The following CSNK1D variants were observed in gnomAD, a reference collection of about 807,000 sequenced individuals.
CSNK1D encodes casein kinase I isoform delta.
A neutral mutation model predicts 46.6 loss-of-function variants in CSNK1D; 16 were observed. The ratio of observed to expected loss-of-function variants is 0.34; its 90% CI spans 0.23 to 0.52. The LOEUF (loss-of-function observed/expected upper bound fraction) is 0.52, where lower values mean the gene tolerates loss of function less well. CSNK1D is among the 20% of genes least tolerant of loss of function. The pLI is 0.95. For missense variants in CSNK1D, 398 were observed against 578.4 expected (o/e 0.69, Z 3.20); for synonymous variants, 276 against 228.2 (o/e 1.21, Z -1.89).
chr17:82,273,489 C>G lies in CSNK1D; in HGVS notation c.-108G>C. On this transcript the variant is annotated 5_prime_UTR_variant, in exon 1 of 9. Transcript: ENST00000314028. This position sits in a 1 kb window ranked among gnomAD's most constrained non-coding sequence, Gnocchi z 5.1. Reference sequence around the variant, plus strand: ...ACTGCGGGTCCGGCTCCCGGCTCCGCCCCCCTCACGGCCCCGCTTTCACCA... The same window carrying G: ...ACTGCGGGTCCGGCTCCCGGCTCCGGCCCCCTCACGGCCCCGCTTTCACCA... 1 of 1,350,340 alleles carries G rather than the reference C, an allele frequency of 7.4e-7. No homozygotes were observed. Among genetic ancestry groups the G allele is most frequent in the Non-Finnish European group, 1.0e-6 (1 of 974,416 alleles). 83.6% of individuals were successfully genotyped at this position (1,350,340 alleles called of 1,614,324 possible).
chr17:82,258,204 C>CAAA (rs36125401), intron 2 of CSNK1D, among the ~76,000 whole-genome samples: 1 of 51,888 alleles, frequency 1.9e-5, no homozygotes, highest in Admixed American at 1.7e-4. Flanking sequence ...GAGACCGTCT[C>CAAA]AAAAAAAAAA....
chr17:82,242,212 T>TGGG (rs546603907), downstream of CSNK1D, among the ~76,000 whole-genome samples: 2 of 85,932 alleles, frequency 2.3e-5, no homozygotes, highest in East Asian at 8.7e-4. Flanking sequence ...CTGTGTGCTC[T>TGGG]GGGGGGGGGG....
chr17:82,248,962 A>G lies in CSNK1D; in HGVS notation c.1110T>C (p.Ser370=), dbSNP rs1254577520. ...CGGGGGCCCCGCGGTGCAGCCGCAT[A>G]CTCACTTTCCGCTCTCTCTCCATGC... is the stretch of plus-strand genomic sequence containing the variant. The part of the protein sequence containing the change: ...VSGMERERKV[S]MRLHRGAPVN... Residue 370 remains serine, a synonymous_variant, in exon 8 of 9, where the codon AGT becomes AGC. Transcript: ENST00000314028. The surrounding 1 kb of genome is among the most constrained non-coding windows in gnomAD (Gnocchi z 4.1). 3.8e-6 allele frequency: 6 copies of G among 1,590,166 alleles called. No homozygotes were observed. In the South Asian group the frequency reaches 6.8e-5, roughly 18 times the overall value.
At chr17:82,242,516 G>T, downstream of CSNK1D, 1 of 288,228 alleles carries the variant, frequency 3.5e-6, no homozygotes, top group Non-Finnish European at 3.8e-6. Flanking sequence ...AGGCCCAGGG[G>T]GCAGCTCTCC....
rs182990618 is a variant in CSNK1D at position 82,265,529 on chromosome 17, T to C, written c.187+157A>G. ...GAGGGTCTCTGGACCCAAGACTCTC[T>C]GAAGGAAGCTGTGACTGCTTTGTCA... On this transcript the variant is annotated intron_variant, in intron 2 of 8. Coordinates refer to ENST00000314028, the MANE Select transcript of CSNK1D (RefSeq NM_001893.6). The C allele has an allele frequency of 2.8e-4, 190 of 689,428 alleles. No individual in the cohort carries two copies. In the East Asian group the frequency reaches 4.6e-3, roughly 17 times the overall value. The allele number at this position is 689,428 out of a possible 1,614,324, so 42.7% of individuals were successfully genotyped here. A position where few individuals can be genotyped will look rare whatever the true frequency, so the allele number is the denominator to read the frequency against.
chr17:82,243,521 C>A lies in CSNK1D; in HGVS notation c.*1260G>T, dbSNP rs572602352. On this transcript the variant is annotated 3_prime_UTR_variant, in exon 9 of 9. Coordinates refer to ENST00000314028, the MANE Select transcript of CSNK1D (RefSeq NM_001893.6). ...TGCCTTCTGGTGGGACTCGGCCCCA[C>A]GCACGCTGCTTCACTTCTGACCAAC... 1 of 985,494 alleles carries A rather than the reference C, an allele frequency of 1.0e-6. No individual in the cohort carries two copies. Among genetic ancestry groups the A allele is most frequent in the Non-Finnish European group, 1.2e-6 (1 of 829,968 alleles). The allele number at this position is 985,494 out of a possible 1,614,324, so 61.0% of individuals were successfully genotyped here.
rs757504731 is a variant in CSNK1D at position 82,249,565 on chromosome 17, C to T, written c.923G>A (p.Arg308His). ...SRAADDAERERRDREERLRHS... is the reference protein window; with the variant it reads ...SRAADDAEREHRDREERLRHS... ...TCTCAGCCGCTCCTCTCGGTCCCTG[C>T]GCTCCCGCTCGGCGTCATCGGCGGC... Residue 308 changes from arginine (R) to histidine (H), a missense_variant, in exon 7 of 9, where the codon CGC becomes CAC. Arg to His is a conservative substitution (Grantham distance 29). Around this residue, in one of 2 missense-constraint regions of CSNK1D, gnomAD observed 181 missense variants for 208.0 expected, o/e 0.87. Transcript: ENST00000314028. This position sits in a 1 kb window ranked among gnomAD's most constrained non-coding sequence, Gnocchi z 6.7. The T allele has an allele frequency of 6.4e-6, 10 of 1,553,588 alleles. No individual in the cohort carries two copies. Among genetic ancestry groups the T allele is most frequent in the East Asian group, 2.4e-5 (1 of 42,456 alleles).
chr17:82,251,468 A>G lies in CSNK1D; in HGVS notation c.796T>C (p.Tyr266His). The G allele has an allele frequency of 6.2e-7, 1 of 1,614,178 alleles. No homozygotes were observed. ...RSLRFDDKPDYSYLRQLFRNL... is the reference protein window; with the variant it reads ...RSLRFDDKPDHSYLRQLFRNL... ...CGGAAAAGCTGCCGCAGGTACGAGT[A>G]GTCAGGCTTGTCGTCAAAACGCAAG... The change falls in exon 6 of 9, where the codon TAC (tyrosine) becomes CAC (histidine). Residue 266 changes from tyrosine to histidine, a missense_variant. Tyr to His is a moderately conservative substitution (Grantham distance 83, BLOSUM62 2). Transcript: ENST00000314028. This position sits in a 1 kb window ranked among gnomAD's most constrained non-coding sequence, Gnocchi z 4.5.
At chr17:82,265,365 G>T (rs1331223168) in intron 2 of CSNK1D, 2 of 368,028 alleles carry the variant, frequency 5.4e-6, no homozygotes, top group Admixed American at 3.8e-5. Flanking sequence ...TTTTAGTAGA[G>T]ACGGGGTTTC....
intron 2 of CSNK1D, among the ~76,000 whole-genome samples, chr17:82,258,918 G>T (rs1004256194): frequency 1.3e-5 from 2 of 152,338 alleles, no homozygotes; most frequent in Middle Eastern, 3.4e-3. Context: ...AGTAAGTGCT[G>T]GTGTTTGCAG....
chr17:82,272,484 A>T (rs1341010684), intron 1 of CSNK1D, among the ~76,000 whole-genome samples: 1 of 152,208 alleles, frequency 6.6e-6, no homozygotes, highest in African/African-American at 2.4e-5. Context: ...CTACCTTGAG[A>T]CTGTTACAGT....
chr17:82,248,019 C>T lies in CSNK1D; in HGVS notation c.1197+856G>A. 1 of 985,428 alleles carries T rather than the reference C, an allele frequency of 1.0e-6. No individual in the cohort carries two copies. The highest frequency in any genetic ancestry group is 1.2e-6 in the Non-Finnish European group (1 of 829,964). The allele number at this position is 985,428 out of a possible 1,614,324, so 61.0% of individuals were successfully genotyped here. ...CAGGCCTGGCTCCATCCTGTGATCC[C>T]AACAAACACCTCCCCACAAGCCCAG... On this transcript the variant is annotated intron_variant, in intron 8 of 8. Transcript: ENST00000314028. This position sits in a 1 kb window ranked among gnomAD's most constrained non-coding sequence, Gnocchi z 4.1.
At chr17:82,273,718 C>T, upstream of CSNK1D, 2 of 485,632 alleles carry the variant, frequency 4.1e-6, no homozygotes, top group Non-Finnish European at 7.2e-6. This position sits in a 1 kb window ranked among gnomAD's most constrained non-coding sequence, Gnocchi z 5.1. Context: ...CTTCCCCTAG[C>T]AACCCGGCGG....
At position 82,263,496 on chromosome 17, in the gene CSNK1D, A is replaced by G. The variant is rs1465815165; in HGVS notation, c.187+2190T>C. Among the ~76,000 whole-genome samples the G allele has an allele frequency of 2.0e-5, 3 of 152,202 alleles. No individual in the cohort carries two copies. In the East Asian group the frequency reaches 5.8e-4, roughly 29 times the overall value. ...TCTGAAGAAAGTTTTGAGTATCACA[A>G]CTAGGGGCAGGGGTGCTGCCAACAT... is the stretch of plus-strand genomic sequence containing the variant. On this transcript the variant is annotated intron_variant, in intron 2 of 8. Coordinates refer to ENST00000314028, the MANE Select transcript of CSNK1D (RefSeq NM_001893.6).
intron 3 of CSNK1D, chr17:82,254,480 T>G (rs1401670588): frequency 3.9e-6 from 1 of 258,784 alleles, no homozygotes; most frequent in Non-Finnish European, 7.2e-6. Flanking sequence ...GCCAGTGCGC[T>G]GAGCCGCCGG....
Position 82,251,692 on chromosome 17 carries a change from A to C in CSNK1D, c.737-165T>G. 1 of 795,824 alleles carries C rather than the reference A, an allele frequency of 1.3e-6. No homozygotes were observed. Among genetic ancestry groups the C allele is most frequent in the South Asian group, 1.5e-5 (1 of 68,418 alleles). The allele number at this position is 795,824 out of a possible 1,614,324, so 49.3% of individuals were successfully genotyped here. A position where few individuals can be genotyped will look rare whatever the true frequency, so the allele number is the denominator to read the frequency against. Reference sequence around the variant, plus strand: ...GACCTGAAGCCTTGAGAAAGCATCGAAAAGTATTCAAGTCACGGCCGGGTG... The same window carrying C: ...GACCTGAAGCCTTGAGAAAGCATCGCAAAGTATTCAAGTCACGGCCGGGTG... On this transcript the variant is annotated intron_variant, in intron 5 of 8. Coordinates refer to ENST00000314028, the MANE Select transcript of CSNK1D (RefSeq NM_001893.6). This position sits in a 1 kb window ranked among gnomAD's most constrained non-coding sequence, Gnocchi z 4.5.
Position 82,249,378 on chromosome 17 carries a change from C to T in CSNK1D, c.1057+53G>A. The T allele has an allele frequency of 6.6e-7, 1 of 1,517,210 alleles. No individual in the cohort carries two copies. The allele number at this position is 1,517,210 out of a possible 1,614,324, so 94.0% of individuals were successfully genotyped here. On this transcript the variant is annotated intron_variant, in intron 7 of 8. Coordinates refer to ENST00000314028, the MANE Select transcript of CSNK1D (RefSeq NM_001893.6). This position sits in a 1 kb window ranked among gnomAD's most constrained non-coding sequence, Gnocchi z 6.7. ...CCTGTTGTCCCCACCAACCCCAAGA[C>T]ACAAGAAGTCACCCCAGAGCCAGCC...
rs982989837 is a variant in CSNK1D, at chr17:82,248,033, C to G, written c.1197+842G>C. 7.1e-6 allele frequency: 7 copies of G among 985,344 alleles called. No individual in the cohort carries two copies. In the African/African-American group the frequency reaches 1.2e-4, roughly 17 times the overall value. The allele number at this position is 985,344 out of a possible 1,614,324, so 61.0% of individuals were successfully genotyped here. On this transcript the variant is annotated intron_variant, in intron 8 of 8. Transcript: ENST00000314028. This position sits in a 1 kb window ranked among gnomAD's most constrained non-coding sequence, Gnocchi z 4.1. Reference sequence around the variant, plus strand: ...TCCTGTGATCCCAACAAACACCTCCCCACAAGCCCAGAGCCAGGCTCCAGG... The same window carrying G: ...TCCTGTGATCCCAACAAACACCTCCGCACAAGCCCAGAGCCAGGCTCCAGG...
rs763658915 is a variant in CSNK1D, at chr17:82,251,405, C to T, written c.859G>A (p.Val287Met). ...AATTTGAGCATGTTCCAGTCGAACA[C>T]GTAGTCATAGGAGAAGCCCTGGCGA... ...FHRQGFSYDYVFDWNMLKFGA... is the reference protein window; with the variant it reads ...FHRQGFSYDYMFDWNMLKFGA... The change falls in exon 6 of 9, where the codon GTG becomes ATG. Residue 287 changes from valine (V) to methionine (M), a missense_variant. Around this residue, in one of 2 missense-constraint regions of CSNK1D, gnomAD observed 181 missense variants for 208.0 expected, o/e 0.87. Transcript: ENST00000314028. This position sits in a 1 kb window ranked among gnomAD's most constrained non-coding sequence, Gnocchi z 4.5. 1.2e-6 allele frequency: 2 copies of T among 1,614,076 alleles called. No individual in the cohort carries two copies. The highest frequency in any genetic ancestry group is 1.7e-6 in the Non-Finnish European group (2 of 1,180,024).
Sources: allele counts gnomAD v4.1 joint callset (sites outside exome capture counted in the v4.1 genomes callset), GRCh38; gene constraint gnomAD v4.1.1; regional missense constraint gnomAD v4.1.1; non-coding constraint Gnocchi (gnomAD v3.1); transcripts MANE v1.5; gene names NCBI Gene and HGNC (gene_info 2026-07-23, HGNC 2026-07-21).